The following TDRD3 variants were observed in gnomAD, a reference collection of about 807,000 sequenced individuals.
TDRD3 encodes the protein tudor domain containing 3.
TDRD3 carries 45 observed loss-of-function variants against 86.7 expected under a neutral mutation model. That is an observed-to-expected ratio of 0.52 (90% CI 0.41 to 0.67). The LOEUF (loss-of-function observed/expected upper bound fraction) is 0.67. Ranked by LOEUF, TDRD3 falls within the 30% of genes least tolerant of loss-of-function variation. The pLI, the probability that TDRD3 is intolerant of heterozygous loss-of-function variation, is 0.00. For synonymous variants in TDRD3, 298 were observed against 301.7 expected (o/e 0.99, Z 0.13); for missense variants, 814 against 889.0 (o/e 0.92, Z 1.07).
chr13:60,552,738 G>T (rs1391705123), intron 12 of TDRD3, among the ~76,000 whole-genome samples: 2 of 152,250 alleles, frequency 1.3e-5, no homozygotes, highest in Non-Finnish European at 2.9e-5. Context: ...TGAAATCTAA[G>T]TGGAGGCTCC....
At chr13:60,518,290 G>A (rs971107067) in intron 10 of TDRD3, among the ~76,000 whole-genome samples, 31 of 152,130 alleles carry the variant, frequency 2.0e-4, no homozygotes, top group African/African-American at 7.0e-4. Flanking sequence ...GGTGATTCTG[G>A]TGCTGGCTGT....
intron 4 of TDRD3, among the ~76,000 whole-genome samples, chr13:60,465,794 G>A (rs1184009264): frequency 6.6e-6 from 1 of 152,042 alleles, no homozygotes; most frequent in Non-Finnish European, 1.5e-5. Flanking sequence ...TTTAAGATGT[G>A]AACAATGCAA....
chr13:60,474,043 A>G (rs112793018), intron 5 of TDRD3, among the ~76,000 whole-genome samples: 7,307 of 152,188 alleles, frequency 0.048, 221 homozygotes, highest in Non-Finnish European at 0.064. Context: ...GTGATGCTGT[A>G]CTTCAGTGGT....
chr13:60,406,694 A>G (rs1443270013), intron 1 of TDRD3, among the ~76,000 whole-genome samples: 2 of 152,180 alleles, frequency 1.3e-5, no homozygotes, highest in East Asian at 1.9e-4. Context: ...AAATGGACAT[A>G]TCTTTTGGAG....
At chr13:60,463,871 AC>A (rs2138066936) in intron 4 of TDRD3, among the ~76,000 whole-genome samples, 1 of 152,156 alleles carries the variant, frequency 6.6e-6, no homozygotes, top group South Asian at 2.1e-4. Flanking sequence ...GACCCTCTAA[AC>A]CCTATATTGG....
intron 2 of TDRD3, 134 bp from the exon 3 acceptor site, chr13:60,444,549 A>G (rs1955354883): frequency 1.8e-5 from 9 of 510,884 alleles, no homozygotes; most frequent in South Asian, 6.6e-5. Flanking sequence ...TTGATAATAC[A>G]TGTAGATCTC....
chr13:60,516,307 G>A (rs61968683), intron 10 of TDRD3, among the ~76,000 whole-genome samples: 2 of 151,774 alleles, frequency 1.3e-5, no homozygotes, highest in African/African-American at 4.8e-5. Flanking sequence ...CAGGCTGGTT[G>A]GAAAAAAATA....
chr13:60,420,576 A>T (rs903915402), intron 1 of TDRD3, among the ~76,000 whole-genome samples: 1 of 152,058 alleles, frequency 6.6e-6, no homozygotes, highest in Non-Finnish European at 1.5e-5. Flanking sequence ...TTTTATACAG[A>T]TATTCAGGTA....
intron 10 of TDRD3, among the ~76,000 whole-genome samples, chr13:60,517,710 A>C (rs773794473): frequency 7.9e-5 from 12 of 152,194 alleles, no homozygotes; most frequent in Non-Finnish European, 1.6e-4. Context: ...AAATTTCTAG[A>C]TAGTACTTTA....
chr13:60,432,022 A>G (rs561380844), intron 1 of TDRD3, among the ~76,000 whole-genome samples: 1 of 152,220 alleles, frequency 6.6e-6, no homozygotes, highest in South Asian at 2.1e-4. Context: ...AATGTGGGAT[A>G]GGAAGTGGCT....
intron 1 of TDRD3, among the ~76,000 whole-genome samples, chr13:60,419,257 A>G (rs1397898424): frequency 6.6e-6 from 1 of 152,174 alleles, no homozygotes; most frequent in Non-Finnish European, 1.5e-5. Flanking sequence ...CTGGTGTGAA[A>G]TGGTATCTCA....
At chr13:60,464,320 C>T (rs1032326096) in intron 4 of TDRD3, among the ~76,000 whole-genome samples, 1 of 152,142 alleles carries the variant, frequency 6.6e-6, no homozygotes, top group African/African-American at 2.4e-5. Flanking sequence ...TAAATTAGTG[C>T]AACCACCATG....
At chr13:60,523,346 T>C (rs1957332730) in intron 10 of TDRD3, among the ~76,000 whole-genome samples, 2 of 152,202 alleles carry the variant, frequency 1.3e-5, no homozygotes, top group Admixed American at 1.3e-4. Context: ...TTATTCTTAA[T>C]TATTCTTGCA....
chr13:60,440,464 T>C (rs148946245), intron 2 of TDRD3, among the ~76,000 whole-genome samples: 4 of 152,208 alleles, frequency 2.6e-5, no homozygotes, highest in Non-Finnish European at 4.4e-5. Flanking sequence ...AGGAGGATCA[T>C]GAGGTCAGGA....
chr13:60,493,658 C>T (rs1956650953), intron 7 of TDRD3, among the ~76,000 whole-genome samples: 1 of 152,024 alleles, frequency 6.6e-6, no homozygotes, highest in Non-Finnish European at 1.5e-5. Flanking sequence ...AAGACCCTGT[C>T]TCAAAAAACA....
At chr13:60,475,827 C>T (rs565602294) in intron 5 of TDRD3, among the ~76,000 whole-genome samples, 1 of 152,100 alleles carries the variant, frequency 6.6e-6, no homozygotes, top group African/African-American at 2.4e-5. Context: ...GTTTGTTGGC[C>T]ATTTGTATGT....
intron 10 of TDRD3, among the ~76,000 whole-genome samples, chr13:60,527,736 A>G (rs1957477411): frequency 1.3e-5 from 2 of 152,168 alleles, no homozygotes; most frequent in African/African-American, 4.8e-5. Context: ...CACTTTTGAC[A>G]CTTTTCTGTA....
intron 12 of TDRD3, 122 bp downstream of exon 12, chr13:60,535,355 G>A: frequency 2.7e-6 from 3 of 1,109,918 alleles, no homozygotes; most frequent in South Asian, 2.3e-5. Context: ...ACTTATAACT[G>A]GCTACCCCTA....
In TDRD3 at chr13:60,531,740, G is replaced by A. The variant is rs78947458; in HGVS notation, c.1992+2523G>A. ...CTCTCTGCCAGTAGAAAATGTAACTGTTTTACTGGGAAAAAAATAACATCT... is the reference window on the plus strand; with the variant it reads ...CTCTCTGCCAGTAGAAAATGTAACTATTTTACTGGGAAAAAAATAACATCT... On this transcript the variant is annotated intron_variant, in intron 11 of 13. Coordinates refer to ENST00000377881, the MANE Select transcript of TDRD3 (RefSeq NM_001146070.2). Among the ~76,000 whole-genome samples, 945 of 152,016 alleles carry A rather than the reference G, an allele frequency of 6.2e-3. 9 individuals carry two copies. Among genetic ancestry groups the A allele is most frequent in the African/African-American group, 0.021 (887 of 41,424 alleles).
Sources: gnomAD v4.1 joint callset for allele counts (sites outside exome capture counted in the v4.1 genomes callset) on GRCh38, gnomAD v4.1.1 for gene constraint, MANE v1.5 for transcripts, NCBI Gene and HGNC (gene_info 2026-07-23, HGNC 2026-07-21) for gene names.